Variants in PKM observed in about 807,000 individuals in gnomAD.
PKM encodes pyruvate kinase PKM.
A neutral mutation model predicts 49.8 loss-of-function variants in PKM; 18 were observed. That is an observed-to-expected ratio of 0.36 (90% confidence interval 0.25 to 0.54). The LOEUF (loss-of-function observed/expected upper bound fraction) is 0.54. Among genes scored for constraint, PKM ranks in the 20% least tolerant of loss-of-function variants. The probability of loss-of-function intolerance (pLI) is 0.89; values close to 1 mark genes in which losing one functional copy is unlikely to be tolerated. For synonymous variants in PKM, 239 were observed against 261.8 expected, an observed-to-expected ratio of 0.91 and a Z score of 0.84; for missense variants, 508 against 713.8, an observed-to-expected ratio of 0.71 and a Z score of 3.28.
chr15:72,224,944 T>G (rs1173319192), intron 1 of PKM, among the ~76,000 whole-genome samples: 1 of 127,526 alleles, frequency 7.8e-6, no homozygotes, highest in African/African-American at 2.9e-5. Context: ...TTTTTTGAGA[T>G]GGAGTCTCGC....
intron 9 of PKM, chr15:72,201,087 G>A: frequency 5.8e-6 from 1 of 173,854 alleles, no homozygotes; most frequent in Non-Finnish European, 1.2e-5. Context: ...ACATCTGCAA[G>A]GAGCAGTAGC....
chr15:72,203,409 C>A (rs2081996420), intron 8 of PKM: 1 of 574,778 alleles, frequency 1.7e-6, no homozygotes, highest in Non-Finnish European at 3.1e-6. Context: ...GGGAAATTGG[C>A]TCTTCCCTTC....
At chr15:72,210,111 T>TA in intron 4 of PKM, 1 of 633,162 alleles carries the variant, frequency 1.6e-6, no homozygotes, top group East Asian at 2.7e-5. Flanking sequence ...TTAGAAAGCC[T>TA]AAAGTTTAGG....
At position 72,199,537 on chromosome 15, in the gene PKM, A is replaced by T; in HGVS notation, c.*113T>A. Reference sequence around the variant, plus strand: ...GTTGATCTTCTTCCCTGGTGTCCCAACCTACCAGTGCCACGTTACAGCCCA... The same window carrying T: ...GTTGATCTTCTTCCCTGGTGTCCCATCCTACCAGTGCCACGTTACAGCCCA... On this transcript the variant is annotated 3_prime_UTR_variant, in exon 11 of 11. Transcript: ENST00000335181. 1.3e-6 allele frequency: 1 copy of T among 770,374 alleles called. No individual in the cohort carries two copies. The highest frequency in any genetic ancestry group is 2.6e-5 in the East Asian group (1 of 38,266). The allele number at this position is 770,374 out of a possible 1,614,324, so 47.7% of individuals were successfully genotyped here. A position where few individuals can be genotyped will look rare whatever the true frequency, so the allele number is the denominator to read the frequency against.
rs567358359 is a variant in PKM at position 72,206,461 on chromosome 15, G to T, written c.1140+267C>A. ...AATTCACAACCTTGAAGTCAGAAGT[G>T]AAATAAACTGTGTGGTGTCCAATGA... On this transcript the variant is annotated intron_variant, in intron 8 of 10. Transcript: ENST00000335181. 10 of 515,308 alleles carry T rather than the reference G, an allele frequency of 1.9e-5. No individual in the cohort carries two copies. The Admixed American group carries it at 2.6e-4, about 13-fold the overall frequency. The allele number at this position is 515,308 out of a possible 1,614,324, so 31.9% of individuals were successfully genotyped here.
In PKM at chr15:72,206,746, A is replaced by AC; in HGVS notation, c.1121_1122insG (p.Val375CysfsTer10). ...AACTCACCAGGTGCTGCATGCGCAC[A>AC]GCCTCCAGAGGATAGTCCCCTTTGG... On this transcript the variant is annotated frameshift_variant, in exon 8 of 11. Coordinates refer to ENST00000335181, the MANE Select transcript of PKM (RefSeq NM_002654.6). LOFTEE classifies it high-confidence loss of function. The AC allele has an allele frequency of 3.1e-6, 5 of 1,613,412 alleles. No homozygotes were observed. The highest frequency in any genetic ancestry group is 4.2e-6 in the Non-Finnish European group (5 of 1,180,028).
Position 72,199,569 on chromosome 15 carries a change from G to A in PKM, c.*81C>T, listed in dbSNP as rs763790054. On this transcript the variant is annotated 3_prime_UTR_variant, in exon 11 of 11. Coordinates refer to ENST00000335181, the MANE Select transcript of PKM (RefSeq NM_002654.6). Reference sequence around the variant, plus strand: ...AGTGCCACGTTACAGCCCAGAGTGAGTTCTACAAGCGTTGCTGGCCTAATG... The same window carrying A: ...AGTGCCACGTTACAGCCCAGAGTGAATTCTACAAGCGTTGCTGGCCTAATG... The A allele has an allele frequency of 1.0e-5, 10 of 966,862 alleles. No homozygotes were observed. Among genetic ancestry groups the A allele is most frequent in the Non-Finnish European group, 1.7e-5 (10 of 601,952 alleles). 59.9% of individuals were successfully genotyped at this position (966,862 alleles called of 1,614,324 possible).
chr15:72,207,329 T>C, intron 6 of PKM, 52 bp from the exon 7 acceptor site: 1 of 1,526,750 alleles, frequency 6.5e-7, no homozygotes, highest in African/African-American at 1.4e-5. Context: ...AGGCCACAAG[T>C]ATGGCAGTAG....
chr15:72,229,688 G>A, intron 1 of PKM: 2 of 1,234,874 alleles, frequency 1.6e-6, no homozygotes, highest in Non-Finnish European at 2.1e-6. Flanking sequence ...CCCACTCCCA[G>A]CATTACAGGA....
intron 10 of PKM, 125 bp from the exon 11 acceptor site, chr15:72,199,881 T>C: frequency 1.4e-6 from 1 of 716,708 alleles, no homozygotes; most frequent in East Asian, 2.7e-5. Flanking sequence ...CACCACAAGG[T>C]GGCACCAAAC....
intron 1 of PKM, among the ~76,000 whole-genome samples, chr15:72,230,581 CGGT>C (rs1315495968): frequency 6.6e-6 from 1 of 151,962 alleles, no homozygotes; most frequent in African/African-American, 2.4e-5. Context: ...GCGGGAAGGG[CGGT>C]CGCGCATGAA....
chr15:72,213,699 G>C (rs139821959), intron 3 of PKM, among the ~76,000 whole-genome samples: 6 of 152,288 alleles, frequency 3.9e-5, no homozygotes, highest in African/African-American at 1.4e-4. Flanking sequence ...CCAAAGTGCT[G>C]GGATTGCAGG....
chr15:72,230,380 G>C (rs903119113), intron 1 of PKM, among the ~76,000 whole-genome samples: 1 of 152,214 alleles, frequency 6.6e-6, no homozygotes, highest in South Asian at 2.1e-4. Context: ...AGCACCGCCC[G>C]AGCCTGCTGG....
At chr15:72,209,161 G>A (rs1247949250) in intron 5 of PKM, among the ~76,000 whole-genome samples, 1 of 152,172 alleles carries the variant, frequency 6.6e-6, no homozygotes, top group Admixed American at 6.5e-5. Context: ...GAGGTCAGGA[G>A]TTTGAGACCA....
intron 1 of PKM, chr15:72,229,559 T>C (rs1158053064): frequency 7.8e-7 from 1 of 1,287,852 alleles, no homozygotes; most frequent in East Asian, 5.6e-5. Flanking sequence ...GACTGAGTCT[T>C]TAAATGATCT....
In PKM at chr15:72,209,825, G is replaced by A; in HGVS notation, c.413C>T (p.Ala138Val). The stretch of plus-strand genomic sequence containing the variant: ...GTTATCCAGCGTGATTTTGAGAGTG[G>A]CTCCCTTCTTCAGCTCCACCTCTGC... ...GTAEVELKKG[A>V]TLKITLDNAY... Residue 138 changes from alanine (A) to valine (V), a missense_variant, in exon 5 of 11, where the codon GCC becomes GTC. Ala to Val is a moderately conservative substitution (Grantham distance 64). Transcript: ENST00000335181. 6.2e-7 allele frequency: 1 copy of A among 1,613,998 alleles called. No individual in the cohort carries two copies. Among genetic ancestry groups the A allele is most frequent in the Non-Finnish European group, 8.5e-7 (1 of 1,179,994 alleles).
intron 3 of PKM, among the ~76,000 whole-genome samples, chr15:72,214,108 T>C (rs1419425872): frequency 6.6e-6 from 1 of 152,244 alleles, no homozygotes; most frequent in Admixed American, 6.5e-5. Context: ...TTATTTCATC[T>C]ACCTTGAGAT....
intron 8 of PKM, chr15:72,204,696 A>G (rs908340577): frequency 6.6e-6 from 1 of 152,248 alleles, no homozygotes; most frequent in African/African-American, 2.4e-5. Flanking sequence ...TGCTAAGGCT[A>G]TAATTAAACA....
At chr15:72,213,519 C>T (rs571290307) in intron 3 of PKM, among the ~76,000 whole-genome samples, 1 of 152,350 alleles carries the variant, frequency 6.6e-6, no homozygotes, top group South Asian at 2.1e-4. Context: ...TAGCCTCCAC[C>T]TCTCAGGTTC....
Sources: allele counts gnomAD v4.1 joint callset (sites outside exome capture counted in the v4.1 genomes callset), GRCh38; gene constraint gnomAD v4.1.1; transcripts MANE v1.5; gene names NCBI Gene and HGNC (gene_info 2026-07-23, HGNC 2026-07-21).